Variants in COL21A1 observed in about 807,000 individuals in gnomAD.
The protein encoded by COL21A1 is collagen type XXI alpha 1 chain.
COL21A1 carries 149 observed loss-of-function variants against 137.9 expected under a neutral mutation model. The observed-to-expected ratio is 1.08, with a 90% CI of 0.95 to 1.24. The LOEUF is 1.24. COL21A1 is among the 50% of genes most tolerant of loss of function. The pLI is 0.00. For missense variants in COL21A1, 1,167 were observed against 1,158.4 expected (o/e 1.01, Z -0.11); for synonymous variants, 456 against 391.5 (o/e 1.16, Z -1.95).
At chr6:56,311,943 C>T (rs1262615768) in intron 1 of COL21A1, among the ~76,000 whole-genome samples, 1 of 152,020 alleles carries the variant, frequency 6.6e-6, no homozygotes, top group Non-Finnish European at 1.5e-5. Flanking sequence ...AAAATGACAG[C>T]GAGGATGAGG....
chr6:56,157,539 G>T (rs1459882348), intron 9 of COL21A1, among the ~76,000 whole-genome samples: 2 of 152,052 alleles, frequency 1.3e-5, no homozygotes, highest in Non-Finnish European at 2.9e-5. Flanking sequence ...TTGAACTCCT[G>T]ACTTCAAGTG....
intron 16 of COL21A1, 142 bp downstream of exon 16, chr6:56,123,920 A>T: frequency 3.0e-6 from 2 of 662,798 alleles, no homozygotes; most frequent in Non-Finnish European, 5.0e-6. Context: ...TTTTTAAATT[A>T]CACGTAAAAA....
intron 1 of COL21A1, among the ~76,000 whole-genome samples, chr6:56,218,149 A>G (rs1359035307): frequency 2.0e-5 from 3 of 152,126 alleles, no homozygotes; most frequent in African/African-American, 7.2e-5. Context: ...TTTCTGGATC[A>G]CAAACTTGGT....
intron 1 of COL21A1, among the ~76,000 whole-genome samples, chr6:56,370,292 T>G (rs1766206401): frequency 6.6e-6 from 1 of 152,126 alleles, no homozygotes; most frequent in Admixed American, 6.5e-5. Context: ...TTCCCGGCCT[T>G]CCTCAGAGTT....
chr6:56,144,640 G>T lies in COL21A1; in HGVS notation c.1435-2657C>A, dbSNP rs1774694973. ...TGTGCTGTCTCTCCTCTTCGAAGAA[G>T]TTGATGTGGTATTTGTTATAGAGGA... On this transcript the variant is annotated intron_variant, in intron 10 of 29. Coordinates refer to ENST00000244728, the MANE Select transcript of COL21A1 (RefSeq NM_030820.4). Among the ~76,000 whole-genome samples the T allele has an allele frequency of 1.3e-5, 2 of 152,176 alleles. 1 individual carries two copies. The highest frequency in any genetic ancestry group is 2.9e-5 in the Non-Finnish European group (2 of 68,020).
chr6:56,149,666 C>T (rs1775129557), intron 10 of COL21A1, among the ~76,000 whole-genome samples: 1 of 152,288 alleles, frequency 6.6e-6, no homozygotes, highest in Admixed American at 6.5e-5. Flanking sequence ...AATCCATAGT[C>T]TCCTTTGACT....
Position 56,175,341 on chromosome 6 carries a change from A to G in COL21A1, c.641-4213T>C, listed in dbSNP as rs574412736. Among the ~76,000 whole-genome samples, 20 of 152,030 alleles carry G rather than the reference A, an allele frequency of 1.3e-4. No individual in the cohort carries two copies. The South Asian group carries it at 3.7e-3, about 28-fold the overall frequency. Reference sequence around the variant, plus strand: ...TTCAAATCACAAAAGAAATAAAATTATCTCTGTTCACAGATAGCATGATCA... The same window carrying G: ...TTCAAATCACAAAAGAAATAAAATTGTCTCTGTTCACAGATAGCATGATCA... On this transcript the variant is annotated intron_variant, in intron 3 of 29. Coordinates refer to ENST00000244728, the MANE Select transcript of COL21A1 (RefSeq NM_030820.4).
intron 1 of COL21A1, among the ~76,000 whole-genome samples, chr6:56,365,119 A>C (rs961982389): frequency 6.6e-6 from 1 of 152,290 alleles, no homozygotes; most frequent in South Asian, 2.1e-4. Context: ...CTAAACCACC[A>C]GGAATCAAAT....
chr6:56,312,788 C>A (rs1220093998), intron 1 of COL21A1, among the ~76,000 whole-genome samples: 1 of 152,024 alleles, frequency 6.6e-6, no homozygotes. Flanking sequence ...TGGACTGATA[C>A]CATCTGGCGC....
chr6:56,355,539 T>C (rs1474529960), intron 1 of COL21A1, among the ~76,000 whole-genome samples: 1 of 152,186 alleles, frequency 6.6e-6, no homozygotes, highest in African/African-American at 2.4e-5. Context: ...AAATTATAAA[T>C]GGATGAATGG....
intron 1 of COL21A1, among the ~76,000 whole-genome samples, chr6:56,210,765 GTGTTA>G (rs1780106506): frequency 6.6e-6 from 1 of 152,054 alleles, no homozygotes; most frequent in Non-Finnish European, 1.5e-5. Flanking sequence ...ATTCAGTACT[GTGTTA>G]TATGACACCA....
At chr6:56,184,301 T>C (rs562802366) in intron 1 of COL21A1, among the ~76,000 whole-genome samples, 3 of 152,214 alleles carry the variant, frequency 2.0e-5, no homozygotes, top group Admixed American at 2.0e-4. Flanking sequence ...AAGTGATACA[T>C]TACCTACAGA....
chr6:56,306,699 G>T (rs1296961539), intron 1 of COL21A1, among the ~76,000 whole-genome samples: 3 of 151,952 alleles, frequency 2.0e-5, no homozygotes, highest in Non-Finnish European at 4.4e-5. Flanking sequence ...GCTCAGAGTA[G>T]TTTGATCATC....
chr6:56,371,063 A>G (rs1260943929), intron 1 of COL21A1, among the ~76,000 whole-genome samples: 1 of 152,184 alleles, frequency 6.6e-6, no homozygotes, highest in Non-Finnish European at 1.5e-5. Flanking sequence ...GCTGACCACA[A>G]CTTCTGCTCA....
At chr6:56,218,256 C>T (rs75055183) in intron 1 of COL21A1, among the ~76,000 whole-genome samples, 5,076 of 151,612 alleles carry the variant, frequency 0.033, 187 homozygotes, top group African/African-American at 0.086. Flanking sequence ...TCAGAACTGT[C>T]CTCTAACATT....
chr6:56,301,145 C>A (rs867303373), intron 1 of COL21A1, among the ~76,000 whole-genome samples: 1 of 151,990 alleles, frequency 6.6e-6, no homozygotes, highest in Non-Finnish European at 1.5e-5. Flanking sequence ...CTGGAACCTG[C>A]GAATATGTTG....
rs764462940 is a variant in COL21A1, at chr6:56,124,053, T to A, written c.1758+9A>T. On this transcript the variant is annotated intron_variant, in intron 16 of 29. Transcript: ENST00000244728. ...TTTGTTTTGTCCTTTTTTTTTTTTT[T>A]ATAAATACCTTGAAACCGGGACTAC... The A allele has an allele frequency of 1.5e-5, 23 of 1,487,846 alleles. No individual in the cohort carries two copies. The highest frequency in any genetic ancestry group is 5.6e-5 in the Admixed American group (2 of 35,838). 92.2% of individuals were successfully genotyped at this position (1,487,846 alleles called of 1,614,324 possible). A position where few individuals can be genotyped will look rare whatever the true frequency, so the allele number is the denominator to read the frequency against.
chr6:56,336,273 G>A (rs1472125201), intron 1 of COL21A1, among the ~76,000 whole-genome samples: 5 of 152,246 alleles, frequency 3.3e-5, no homozygotes, highest in East Asian at 3.9e-4. Flanking sequence ...TTAAGTTTGA[G>A]AACAACTGGA....
intron 17 of COL21A1, chr6:56,078,024 C>T (rs561871461): frequency 2.2e-6 from 1 of 453,926 alleles, no homozygotes; most frequent in South Asian, 1.6e-5. Context: ...CCACCTGAGC[C>T]TTGAAATACC....
Sources: gnomAD v4.1 joint callset for allele counts (sites outside exome capture counted in the v4.1 genomes callset) on GRCh38, gnomAD v4.1.1 for gene constraint, MANE v1.5 for transcripts, NCBI Gene and HGNC (gene_info 2026-07-23, HGNC 2026-07-21) for gene names.